The following CD46 variants were observed in gnomAD, a reference collection of about 807,000 sequenced individuals.
The protein encoded by CD46 is membrane cofactor protein.
Under a neutral mutation model 53.3 loss-of-function variants are expected in CD46, and 30 were observed. The observed-to-expected ratio is 0.56, with a 90% CI of 0.42 to 0.76. The LOEUF (loss-of-function observed/expected upper bound fraction) is 0.76, where lower values mean the gene tolerates loss of function less well. CD46 is among the 30% of genes least tolerant of loss of function. CD46 has a pLI of 0.00. For missense variants in CD46, 409 were observed against 463.0 expected (o/e 0.88, Z 1.07); for synonymous variants, 142 against 152.0 (o/e 0.93, Z 0.48).
chr1:207,757,702 CT>C (rs1655723886), intron 3 of CD46, 60 bp downstream of exon 3: 2 of 1,103,724 alleles, frequency 1.8e-6, no homozygotes, highest in Non-Finnish European at 2.7e-6. Flanking sequence ...TGTTTTGCTT[CT>C]CTTCTTAAGC....
chr1:207,756,152 A>C (rs745795798), intron 1 of CD46, among the ~76,000 whole-genome samples: 12 of 152,138 alleles, frequency 7.9e-5, no homozygotes, highest in Non-Finnish European at 1.5e-4. Flanking sequence ...CCAGCCAGGG[A>C]GGAAGGGTAT....
intron 1 of CD46, among the ~76,000 whole-genome samples, chr1:207,753,577 A>G (rs989157945): frequency 2.6e-5 from 4 of 152,104 alleles, no homozygotes; most frequent in African/African-American, 9.7e-5. Context: ...GGGCCGAGGT[A>G]GGAGATTCAC....
At chr1:207,793,175 A>G (rs910998412) in intron 12 of CD46, among the ~76,000 whole-genome samples, 1 of 152,230 alleles carries the variant, frequency 6.6e-6, no homozygotes, top group African/African-American at 2.4e-5. Flanking sequence ...TGCCAGAGCT[A>G]CAGCTTTAAA....
intron 5 of CD46, chr1:207,762,712 G>A (rs41317085): frequency 0.019 from 2,939 of 153,386 alleles, 102 homozygotes; most frequent in African/African-American, 0.068. Context: ...GGTCCTCATC[G>A]CCAACACGCC....
At chr1:207,779,126 A>G (rs1658441129) in intron 8 of CD46, among the ~76,000 whole-genome samples, 1 of 152,108 alleles carries the variant, frequency 6.6e-6, no homozygotes, top group African/African-American at 2.4e-5. Context: ...ATTTTTGTAT[A>G]TTGATTTTGT....
At chr1:207,784,310 A>T (rs1659066769) in intron 9 of CD46, among the ~76,000 whole-genome samples, 1 of 152,254 alleles carries the variant, frequency 6.6e-6, no homozygotes, top group South Asian at 2.1e-4. Context: ...AATACAAATT[A>T]AATGTCTACC....
At chr1:207,783,441 T>G in intron 9 of CD46, 111 bp downstream of exon 9, 1 of 733,462 alleles carries the variant, frequency 1.4e-6, no homozygotes, top group Non-Finnish European at 2.5e-6. Context: ...TAAGATAACT[T>G]TCTTAAATGC....
chr1:207,773,870 G>C (rs1029641212), intron 8 of CD46, among the ~76,000 whole-genome samples: 1 of 152,314 alleles, frequency 6.6e-6, no homozygotes, highest in African/African-American at 2.4e-5. Flanking sequence ...TTCATTTGGG[G>C]TGTAGAGTTC....
intron 8 of CD46, among the ~76,000 whole-genome samples, chr1:207,771,991 A>G (rs1473147692): frequency 6.6e-6 from 1 of 152,158 alleles, no homozygotes; most frequent in Non-Finnish European, 1.5e-5. Flanking sequence ...CTTGGGTAGT[A>G]TGGCCATTTT....
At chr1:207,760,523 A>G (rs1656061403) in intron 4 of CD46, 1 of 152,264 alleles carries the variant, frequency 6.6e-6, no homozygotes, top group African/African-American at 2.4e-5. Context: ...ATATTTTCTC[A>G]TTAATTGTCA....
intron 4 of CD46, 40 bp downstream of exon 4, chr1:207,759,764 C>T: frequency 6.4e-6 from 8 of 1,259,352 alleles, no homozygotes; most frequent in Non-Finnish European, 9.3e-6. Context: ...ACCAGTAGTC[C>T]TCAAAGATTT....
chr1:207,765,598 C>G (rs1431472079), intron 5 of CD46, among the ~76,000 whole-genome samples: 1 of 152,154 alleles, frequency 6.6e-6, no homozygotes, highest in Admixed American at 6.5e-5. Flanking sequence ...AAAACTGTCT[C>G]TACTCACAAT....
rs947970953 is a variant in CD46, at chr1:207,793,752, T to A, written c.*275T>A. On this transcript the variant is annotated 3_prime_UTR_variant, in exon 13 of 13. Coordinates refer to ENST00000367042, the MANE Select transcript of CD46 (RefSeq NM_172351.3). ...GCATCCTTTGATGCTTCTTTGAAAC[T>A]TGTATGAATTTGGGTATGAACAGAT... 2 of 704,740 alleles carry A rather than the reference T, an allele frequency of 2.8e-6. No homozygotes were observed. The highest frequency in any genetic ancestry group is 3.5e-5 in the African/African-American group (2 of 56,994). 43.7% of individuals were successfully genotyped at this position (704,740 alleles called of 1,614,324 possible).
At chr1:207,765,304 A>G (rs540550586) in intron 5 of CD46, among the ~76,000 whole-genome samples, 1 of 152,358 alleles carries the variant, frequency 6.6e-6, no homozygotes, top group Admixed American at 6.5e-5. Flanking sequence ...ACAGAAGGGT[A>G]CTATCTATCT....
At position 207,752,404 on chromosome 1, in the gene CD46, C is replaced by T. The variant is rs1229525613; in HGVS notation, c.97+95C>T. ...GGGGCGGGGCTCACAGCAGGCCGTG[C>T]CTGTTTGGGGACAGGGTTCTCTGAG... On this transcript the variant is annotated intron_variant, in intron 1 of 12. Coordinates refer to ENST00000367042, the MANE Select transcript of CD46 (RefSeq NM_172351.3). The surrounding 1 kb of genome is among the most constrained non-coding windows in gnomAD (Gnocchi z 4.1). 2 of 1,184,324 alleles carry T rather than the reference C, an allele frequency of 1.7e-6. No homozygotes were observed. The highest frequency in any genetic ancestry group is 1.2e-5 in the South Asian group (1 of 82,536). 73.4% of individuals were successfully genotyped at this position (1,184,324 alleles called of 1,614,324 possible). A position where few individuals can be genotyped will look rare whatever the true frequency, so the allele number is the denominator to read the frequency against.
chr1:207,760,187 T>G (rs1263789553), intron 4 of CD46: 1 of 154,848 alleles, frequency 6.5e-6, no homozygotes, highest in Admixed American at 6.4e-5. Flanking sequence ...CTGATTAATT[T>G]GTAAGAATAA....
intron 5 of CD46, among the ~76,000 whole-genome samples, chr1:207,764,702 A>G (rs1656650152): frequency 6.6e-6 from 1 of 152,232 alleles, no homozygotes. Context: ...TATGCCTACA[A>G]ATTTGACAAC....
At chr1:207,753,776 T>G (rs1655189286) in intron 1 of CD46, among the ~76,000 whole-genome samples, 1 of 152,232 alleles carries the variant, frequency 6.6e-6, no homozygotes, top group Non-Finnish European at 1.5e-5. Context: ...GCATATTTGT[T>G]TCTGCCTTCA....
At chr1:207,753,369 C>G (rs913670458) in intron 1 of CD46, among the ~76,000 whole-genome samples, 2 of 152,224 alleles carry the variant, frequency 1.3e-5, no homozygotes, top group Non-Finnish European at 2.9e-5. Flanking sequence ...GGAATCAATA[C>G]TTTTAAAAAT....
Sources: gnomAD v4.1 joint callset for allele counts (sites outside exome capture counted in the v4.1 genomes callset) on GRCh38, gnomAD v4.1.1 for gene constraint, Gnocchi (gnomAD v3.1) non-coding constraint, MANE v1.5 for transcripts, NCBI Gene and HGNC (gene_info 2026-07-23, HGNC 2026-07-21) for gene names.